Variants in STK33 observed in about 807,000 individuals in gnomAD.
The protein encoded by STK33 is serine/threonine kinase 33, also known as serine/threonine-protein kinase 33.
Under a neutral mutation model 58.0 loss-of-function variants are expected in STK33, and 52 were observed. That is an observed-to-expected ratio of 0.90 (90% CI 0.72 to 1.13). The LOEUF (loss-of-function observed/expected upper bound fraction) is 1.13. STK33 is among the 50% of genes most tolerant of loss of function. The pLI, the probability that STK33 is intolerant of heterozygous loss-of-function variation, is 0.00. For missense variants in STK33, 630 were observed against 604.2 expected (o/e 1.04, Z -0.45); for synonymous variants, 215 against 200.1 (o/e 1.07, Z -0.63).
intron 11 of STK33, among the ~76,000 whole-genome samples, chr11:8,446,972 T>A (rs1945555322): frequency 6.6e-6 from 1 of 151,990 alleles, no homozygotes; most frequent in Non-Finnish European, 1.5e-5. Context: ...ACAAATGGGA[T>A]CTAATTAAAC....
chr11:8,388,232 G>C (rs1848571040), downstream of STK33, among the ~76,000 whole-genome samples: 2 of 152,132 alleles, frequency 1.3e-5, no homozygotes, highest in African/African-American at 4.8e-5. Context: ...CTTCCCAATG[G>C]GGCAGTGGTG....
chr11:8,354,518 C>CACACACA, the STK33 span, among the ~76,000 whole-genome samples: 1 of 71,658 alleles, frequency 1.4e-5, no homozygotes, highest in Admixed American at 1.4e-4. Flanking sequence ...ACACACACAC[C>CACACACA]CCTCAGACAC....
intron 15 of STK33, among the ~76,000 whole-genome samples, chr11:8,397,212 A>C (rs1849517936): frequency 6.6e-6 from 1 of 152,194 alleles, no homozygotes; most frequent in African/African-American, 2.4e-5. Flanking sequence ...AGGCACCCCC[A>C]AGTAGGGGCA....
At chr11:8,363,881 A>T in the STK33 span, among the ~76,000 whole-genome samples, 1 of 152,208 alleles carries the variant, frequency 6.6e-6, no homozygotes, top group Admixed American at 6.5e-5. Context: ...GACATTAAGA[A>T]TTAAAGTGTT....
At chr11:8,467,493 T>C (rs1948327462) in intron 6 of STK33, 1 of 152,322 alleles carries the variant, frequency 6.6e-6, no homozygotes, top group Non-Finnish European at 1.5e-5. Flanking sequence ...CTCATCTCCA[T>C]CTGAAAGCAC....
intron 1 of STK33, among the ~76,000 whole-genome samples, chr11:8,577,435 C>T (rs1462848582): frequency 6.6e-6 from 1 of 152,084 alleles, no homozygotes; most frequent in Non-Finnish European, 1.5e-5. Context: ...ATTTTTCATA[C>T]ACTTTGCTTA....
rs1360753041 is a variant in STK33, at chr11:8,540,101, T to C, written c.-466+53982A>G. ...AGACCTTTTGCTCACCTCATAAATA[T>C]ATATGCACTCCCATGTTGATTACCG... On this transcript the variant is annotated intron_variant, in intron 1 of 15. Transcript: ENST00000687296. 3.3e-5 allele frequency among the ~76,000 whole-genome samples: 5 copies of C among 152,094 alleles called. No individual in the cohort carries two copies. In the East Asian group the frequency reaches 7.7e-4, roughly 23 times the overall value.
At chr11:8,414,318 A>G (rs1255443706) in intron 14 of STK33, among the ~76,000 whole-genome samples, 1 of 152,168 alleles carries the variant, frequency 6.6e-6, no homozygotes, top group Admixed American at 6.6e-5. Context: ...TATTTTCCCA[A>G]ATATAATACC....
At position 8,474,673 on chromosome 11, in the gene STK33, A is replaced by T. The variant is rs1261215357; in HGVS notation, c.225+8T>A. On this transcript the variant is annotated splice_region_variant and intron_variant, in intron 5 of 15. Transcript: ENST00000687296. ...CTTGTGCTTAGATGTGGAATCTTTG[A>T]TATTTACCAAATCTTTCCTGGAGGT... 6.3e-7 allele frequency: 1 copy of T among 1,592,446 alleles called. No individual in the cohort carries two copies. The highest frequency in any genetic ancestry group is 8.6e-7 in the Non-Finnish European group (1 of 1,169,310).
At chr11:8,387,803 G>A (rs113263545), downstream of STK33, among the ~76,000 whole-genome samples, 14,584 of 64,900 alleles carry the variant, frequency 0.22, 782 homozygotes, top group African/African-American at 0.29. Context: ...CACCCCACCC[G>A]CCCCACCCTT....
At chr11:8,444,506 C>T (rs1945164394) in intron 11 of STK33, among the ~76,000 whole-genome samples, 2 of 151,930 alleles carry the variant, frequency 1.3e-5, no homozygotes, top group African/African-American at 4.8e-5. Context: ...CTAAGTAGGT[C>T]CTCAAAAAAT....
intron 3 of STK33, 93 bp downstream of exon 3, chr11:8,477,139 TACACACACACACACACAC>T (rs146828395): frequency 1.4e-5 from 2 of 141,158 alleles, no homozygotes; most frequent in Non-Finnish European, 3.1e-5. Context: ...CCACTCAAAA[TACACACACACACACACAC>T]ACACACACAC....
At chr11:8,429,809 C>A (rs1173037976) in intron 14 of STK33, among the ~76,000 whole-genome samples, 1 of 152,180 alleles carries the variant, frequency 6.6e-6, no homozygotes, top group African/African-American at 2.4e-5. Context: ...TTCACCTCCT[C>A]GTTAAGACCC....
the STK33 span, among the ~76,000 whole-genome samples, chr11:8,351,336 C>T: frequency 6.6e-6 from 1 of 152,212 alleles, no homozygotes; most frequent in Non-Finnish European, 1.5e-5. Context: ...CCCCACCCTG[C>T]GAGCTGGGTC....
rs77942512 is a variant in STK33 at position 8,567,094 on chromosome 11, C to T, written c.-466+26989G>A. Among the ~76,000 whole-genome samples, 319 of 152,100 alleles carry T rather than the reference C, an allele frequency of 2.1e-3. 1 individual carries two copies. Among genetic ancestry groups the T allele is most frequent in the African/African-American group, 7.3e-3 (304 of 41,484 alleles). Reference sequence around the variant, plus strand: ...GGTAGAGGTTGCAGTGATCCAAGATCGAGCCATTGCATTCCAGCCTGGGTG... The same window carrying T: ...GGTAGAGGTTGCAGTGATCCAAGATTGAGCCATTGCATTCCAGCCTGGGTG... On this transcript the variant is annotated intron_variant, in intron 1 of 15. Transcript: ENST00000687296.
chr11:8,544,023 T>A (rs948050991), intron 1 of STK33, among the ~76,000 whole-genome samples: 2 of 152,130 alleles, frequency 1.3e-5, no homozygotes, highest in African/African-American at 4.8e-5. Flanking sequence ...TCCATTTTTT[T>A]ATTATACTTT....
chr11:8,539,250 A>G (rs1955304469), intron 1 of STK33, among the ~76,000 whole-genome samples: 2 of 152,240 alleles, frequency 1.3e-5, no homozygotes, highest in African/African-American at 4.8e-5. Flanking sequence ...ATTCTCACCT[A>G]GCCCATTATC....
At chr11:8,487,441 AAGAGAGAG>A (rs796952542) in intron 1 of STK33, among the ~76,000 whole-genome samples, 1 of 120,790 alleles carries the variant, frequency 8.3e-6, no homozygotes, top group East Asian at 2.5e-4. Context: ...AAAAAAAAAA[AAGAGAGAG>A]AGAGAGAAAG....
chr11:8,384,257 G>C, the STK33 span, among the ~76,000 whole-genome samples: 1 of 152,186 alleles, frequency 6.6e-6, no homozygotes, highest in Non-Finnish European at 1.5e-5. Flanking sequence ...GGAGCTGAAG[G>C]AACACTGTGA....
Sources: gnomAD v4.1 joint callset for allele counts (sites outside exome capture counted in the v4.1 genomes callset) on GRCh38, gnomAD v4.1.1 for gene constraint, MANE v1.5 for transcripts, NCBI Gene and HGNC (gene_info 2026-07-23, HGNC 2026-07-21) for gene names.